The following THSD7B variants were observed in gnomAD, a reference collection of about 807,000 sequenced individuals.
The protein encoded by THSD7B is thrombospondin type 1 domain containing 7B.
A neutral mutation model predicts 213.6 loss-of-function variants in THSD7B; 138 were observed. That is an observed-to-expected ratio of 0.65 (90% CI 0.56 to 0.74). The LOEUF (loss-of-function observed/expected upper bound fraction) is 0.74, where lower values mean the gene tolerates loss of function less well. Among genes scored for constraint, THSD7B ranks in the 30% least tolerant of loss-of-function variants. The pLI is 0.00. For missense variants in THSD7B, 1,931 were observed against 1,991.5 expected (o/e 0.97, Z 0.58); for synonymous variants, 742 against 687.0 (o/e 1.08, Z -1.25).
At chr2:137,190,845 G>A (rs766942343) in intron 7 of THSD7B, among the ~76,000 whole-genome samples, 39 of 152,250 alleles carry the variant, frequency 2.6e-4, no homozygotes, top group South Asian at 1.0e-3. Flanking sequence ...TGTGCTCCCC[G>A]TCAGCTGTCA....
At chr2:137,270,149 G>A (rs1179869650) in intron 10 of THSD7B, among the ~76,000 whole-genome samples, 4 of 140,066 alleles carry the variant, frequency 2.9e-5, no homozygotes, top group African/African-American at 1.1e-4. Context: ...TTAGAGATAG[G>A]GAGACAGTGT....
At chr2:137,653,150 A>G (rs1413663594) in intron 21 of THSD7B, among the ~76,000 whole-genome samples, 1 of 152,100 alleles carries the variant, frequency 6.6e-6, no homozygotes, top group Admixed American at 6.6e-5. Flanking sequence ...TTTGTCTGTA[A>G]AGGACTTTAT....
At position 137,107,159 on chromosome 2, in the gene THSD7B, C is replaced by T. The variant is rs182292210; in HGVS notation, c.1200-7965C>T. 1.8e-3 allele frequency among the ~76,000 whole-genome samples: 274 copies of T among 150,586 alleles called. 2 individuals are homozygous for T. Among genetic ancestry groups the T allele is most frequent in the African/African-American group, 3.7e-3 (152 of 41,248 alleles). ...CCAACCCAAATGCCCATCAATAGGC[C>T]GAATAAACAAAATGTAGCACATATA... is the stretch of plus-strand genomic sequence containing the variant. On this transcript the variant is annotated intron_variant, in intron 4 of 27. Transcript: ENST00000409968.
At chr2:137,125,952 G>A (rs1010509835) in intron 5 of THSD7B, among the ~76,000 whole-genome samples, 1 of 152,138 alleles carries the variant, frequency 6.6e-6, no homozygotes, top group African/African-American at 2.4e-5. Context: ...AGTCTGAAGG[G>A]AATCTCTTTT....
intron 7 of THSD7B, among the ~76,000 whole-genome samples, chr2:137,191,637 C>T (rs1425753382): frequency 6.6e-6 from 1 of 151,940 alleles, no homozygotes; most frequent in Non-Finnish European, 1.5e-5. Flanking sequence ...TAGACCATGG[C>T]CCCATGGCTG....
intron 10 of THSD7B, among the ~76,000 whole-genome samples, chr2:137,265,175 G>A (rs559267039): frequency 1.4e-4 from 22 of 152,238 alleles, no homozygotes; most frequent in Admixed American, 1.2e-3. Context: ...TTTTATGGCT[G>A]CATAGTATTC....
At chr2:137,583,927 G>C (rs1279442179) in intron 17 of THSD7B, among the ~76,000 whole-genome samples, 1 of 152,130 alleles carries the variant, frequency 6.6e-6, no homozygotes, top group East Asian at 1.9e-4. Flanking sequence ...ATTACCTTTG[G>C]CAGTATGGGC....
At chr2:137,195,277 T>A (rs756237016) in intron 7 of THSD7B, among the ~76,000 whole-genome samples, 4 of 151,990 alleles carry the variant, frequency 2.6e-5, no homozygotes, top group African/African-American at 7.2e-5. Context: ...TGTTTCTATA[T>A]TTGTGTATAG....
At chr2:136,805,982 G>A (rs1023721732) in intron 1 of THSD7B, among the ~76,000 whole-genome samples, 6 of 152,292 alleles carry the variant, frequency 3.9e-5, no homozygotes, top group Admixed American at 3.9e-4. Context: ...TTTAGAATAT[G>A]CCATGTGTTT....
intron 14 of THSD7B, among the ~76,000 whole-genome samples, chr2:137,439,412 A>C (rs1687354643): frequency 6.6e-6 from 1 of 152,106 alleles, no homozygotes; most frequent in South Asian, 2.1e-4. Context: ...AAGAACATAA[A>C]ATTAAATAAA....
intron 2 of THSD7B, among the ~76,000 whole-genome samples, chr2:136,982,911 A>G (rs1439020825): frequency 6.6e-6 from 1 of 152,246 alleles, no homozygotes; most frequent in East Asian, 1.9e-4. Context: ...AAAATTATGC[A>G]TTATTTTCCT....
At chr2:137,354,174 G>A (rs75064553) in intron 12 of THSD7B, among the ~76,000 whole-genome samples, 186 of 151,840 alleles carry the variant, frequency 1.2e-3, no homozygotes, top group African/African-American at 3.7e-3. Flanking sequence ...TGTCTTTCCC[G>A]TGAACTTATT....
intron 12 of THSD7B, among the ~76,000 whole-genome samples, chr2:137,348,652 A>G (rs1371489293): frequency 6.8e-6 from 1 of 147,030 alleles, no homozygotes; most frequent in Non-Finnish European, 1.5e-5. Flanking sequence ...AAACAGTAGT[A>G]GTATTTCATG....
At position 137,533,731 on chromosome 2, in the gene THSD7B, G is replaced by A. The variant is rs116527260; in HGVS notation, c.3139-29490G>A. 8.0e-4 allele frequency among the ~76,000 whole-genome samples: 122 copies of A among 151,986 alleles called. 1 individual carries two copies. Among genetic ancestry groups the A allele is most frequent in the Admixed American group, 2.5e-3 (38 of 15,244 alleles). On this transcript the variant is annotated intron_variant, in intron 15 of 27. Coordinates refer to ENST00000409968, the MANE Select transcript of THSD7B (RefSeq NM_001316349.2). ...AGCATGTGAGCCCTTAGCCTGGGCTGCCACTGACAGGGCTTTCTGGGTTAT... is the reference window on the plus strand; with the variant it reads ...AGCATGTGAGCCCTTAGCCTGGGCTACCACTGACAGGGCTTTCTGGGTTAT...
At chr2:137,284,993 A>C (rs183305592) in intron 12 of THSD7B, among the ~76,000 whole-genome samples, 1 of 152,202 alleles carries the variant, frequency 6.6e-6, no homozygotes, top group Admixed American at 6.5e-5. Context: ...TAATGTTGAC[A>C]GTGGGGTGTT....
At chr2:137,529,365 C>T (rs1680338953) in intron 15 of THSD7B, among the ~76,000 whole-genome samples, 1 of 152,010 alleles carries the variant, frequency 6.6e-6, no homozygotes, top group African/African-American at 2.4e-5. Context: ...AGTCAGGGAA[C>T]TAGCTCTTTC....
At chr2:136,803,837 G>A (rs1036558811) in intron 1 of THSD7B, among the ~76,000 whole-genome samples, 1 of 152,180 alleles carries the variant, frequency 6.6e-6, no homozygotes, top group Non-Finnish European at 1.5e-5. Context: ...AACCAGGAGT[G>A]CCAGTGTGGG....
chr2:137,010,163 A>G (rs1166718597), intron 2 of THSD7B, among the ~76,000 whole-genome samples: 2 of 152,152 alleles, frequency 1.3e-5, no homozygotes, highest in African/African-American at 4.8e-5. Context: ...ATTTGAGGAC[A>G]TGTGTTTTCC....
At chr2:137,629,984 C>T (rs527906517) in intron 20 of THSD7B, among the ~76,000 whole-genome samples, 11 of 147,284 alleles carry the variant, frequency 7.5e-5, no homozygotes, top group Admixed American at 3.4e-4. Context: ...CATTTATTTG[C>T]GCCCAACTTC....
Sources: gnomAD v4.1 joint callset for allele counts (sites outside exome capture counted in the v4.1 genomes callset) on GRCh38, gnomAD v4.1.1 for gene constraint, MANE v1.5 for transcripts, NCBI Gene and HGNC (gene_info 2026-07-23, HGNC 2026-07-21) for gene names.